The following KCNH1 variants were observed in gnomAD, a reference collection of about 807,000 sequenced individuals.
KCNH1 encodes the protein potassium voltage-gated channel subfamily H member 1.
KCNH1 carries 27 observed loss-of-function variants against 69.2 expected under a neutral mutation model. The ratio of observed to expected loss-of-function variants is 0.39; its 90% confidence interval spans 0.29 to 0.54. The LOEUF is 0.54. KCNH1 is among the 20% of genes least tolerant of loss of function. The pLI, the probability that KCNH1 is intolerant of heterozygous loss-of-function variation, is 0.68. For synonymous variants in KCNH1, 456 were observed against 487.7 expected (o/e 0.93, Z 0.86); for missense variants, 798 against 1,261.6 (o/e 0.63, Z 5.57).
chr1:211,080,816 T>G (rs1326578969), intron 5 of KCNH1, among the ~76,000 whole-genome samples: 1 of 152,146 alleles, frequency 6.6e-6, no homozygotes, highest in African/African-American at 2.4e-5. Flanking sequence ...AAACATTAAT[T>G]CAAGATGGAT....
chr1:210,850,372 G>A (rs903100717), intron 7 of KCNH1, among the ~76,000 whole-genome samples: 2 of 152,146 alleles, frequency 1.3e-5, no homozygotes, highest in East Asian at 1.9e-4. Context: ...GTAGCTGGGC[G>A]TGGTGGCGCG....
chr1:211,129,371 C>T (rs1447105273), intron 1 of KCNH1, among the ~76,000 whole-genome samples: 2 of 152,110 alleles, frequency 1.3e-5, no homozygotes, highest in African/African-American at 4.8e-5. Flanking sequence ...ACAATGAAGC[C>T]AAGGATTCAG....
chr1:210,761,200 C>T (rs183080319), intron 10 of KCNH1, among the ~76,000 whole-genome samples: 3,645 of 127,724 alleles, frequency 0.029, 95 homozygotes, highest in East Asian at 0.15. Context: ...TGCAGTGAGC[C>T]GAGATCCCGC....
intron 6 of KCNH1, among the ~76,000 whole-genome samples, chr1:210,998,191 G>T (rs1689091546): frequency 1.3e-5 from 2 of 152,170 alleles, no homozygotes; most frequent in Admixed American, 6.5e-5. Flanking sequence ...TGGGCTAAAT[G>T]CTCCAATTAA....
At chr1:210,738,526 C>A (rs112034601) in intron 10 of KCNH1, among the ~76,000 whole-genome samples, 37 of 148,318 alleles carry the variant, frequency 2.5e-4, no homozygotes, top group Non-Finnish European at 1.2e-4. Context: ...TAACATTGAA[C>A]CTGTATTCCT....
In KCNH1 at chr1:210,981,015, T is replaced by A. The variant is rs1688700385; in HGVS notation, c.1032+37768A>T. Among the ~76,000 whole-genome samples the A allele has an allele frequency of 3.3e-5, 5 of 152,096 alleles. No homozygotes were observed. The South Asian group carries it at 1.0e-3, about 32-fold the overall frequency. On this transcript the variant is annotated intron_variant, in intron 6 of 10. Coordinates refer to ENST00000271751, the MANE Select transcript of KCNH1 (RefSeq NM_172362.3). ...ATTAGGTATCCTGAATGTGGAGAGG[T>A]TTCATAAACATCCCATAATAGGAAC...
At chr1:211,126,286 G>A (rs914647761) in intron 1 of KCNH1, among the ~76,000 whole-genome samples, 4 of 152,118 alleles carry the variant, frequency 2.6e-5, no homozygotes, top group South Asian at 2.1e-4. Context: ...TGAGGCGGGC[G>A]GATCACAAGA....
At chr1:210,694,188 G>A (rs1197309682) in intron 10 of KCNH1, among the ~76,000 whole-genome samples, 1 of 152,104 alleles carries the variant, frequency 6.6e-6, no homozygotes, top group Non-Finnish European at 1.5e-5. Flanking sequence ...TGAAGACCAT[G>A]CCGGTAAAGA....
intron 5 of KCNH1, among the ~76,000 whole-genome samples, chr1:211,035,438 C>T (rs1001719313): frequency 2.7e-5 from 4 of 150,528 alleles, no homozygotes; most frequent in Admixed American, 1.3e-4. Context: ...TTAGTAGAGA[C>T]GGGGTTTCAC....
chr1:210,918,084 A>T (rs1687384660), intron 7 of KCNH1, among the ~76,000 whole-genome samples: 1 of 152,194 alleles, frequency 6.6e-6, no homozygotes, highest in Admixed American at 6.5e-5. Flanking sequence ...CTCTGCCTGC[A>T]GAGAGGGCTT....
At chr1:210,760,515 C>T (rs1049035189) in intron 10 of KCNH1, among the ~76,000 whole-genome samples, 1 of 152,186 alleles carries the variant, frequency 6.6e-6, no homozygotes. Context: ...ACTACCAGAC[C>T]AGTCCTACAA....
chr1:210,769,798 G>A (rs907386371), intron 10 of KCNH1, among the ~76,000 whole-genome samples: 8 of 152,138 alleles, frequency 5.3e-5, no homozygotes, highest in Non-Finnish European at 8.8e-5. Flanking sequence ...AAGGAAAGTA[G>A]AGCCCAAGTG....
rs534297715 is a variant in KCNH1 at position 211,095,947 on chromosome 1, T to C, written c.311-5257A>G. Among the ~76,000 whole-genome samples the C allele has an allele frequency of 8.5e-5, 13 of 152,308 alleles. No individual in the cohort carries two copies. The South Asian group carries it at 2.7e-3, about 32-fold the overall frequency. On this transcript the variant is annotated intron_variant, in intron 3 of 10. Coordinates refer to ENST00000271751, the MANE Select transcript of KCNH1 (RefSeq NM_172362.3). ...CTTGGCCGCATCAGTTTAACTTCTCTCACCATCAGCCTCTTCATTTGTAAA... is the reference window on the plus strand; with the variant it reads ...CTTGGCCGCATCAGTTTAACTTCTCCCACCATCAGCCTCTTCATTTGTAAA...
intron 10 of KCNH1, among the ~76,000 whole-genome samples, chr1:210,716,411 G>A (rs557822680): frequency 2.7e-4 from 34 of 126,404 alleles, no homozygotes; most frequent in African/African-American, 9.0e-4. Flanking sequence ...TAGCCTGGGC[G>A]ACAGAGCAAG....
At chr1:211,105,168 G>A (rs74552941) in intron 2 of KCNH1, among the ~76,000 whole-genome samples, 2,091 of 152,240 alleles carry the variant, frequency 0.014, 60 homozygotes, top group African/African-American at 0.048. Flanking sequence ...GCCAGGAAAC[G>A]GAAAACTGAG....
At chr1:211,055,948 G>A (rs1379037275) in intron 5 of KCNH1, among the ~76,000 whole-genome samples, 8 of 152,242 alleles carry the variant, frequency 5.3e-5, no homozygotes, top group Non-Finnish European at 1.0e-4. Flanking sequence ...TTGGGTAAGA[G>A]TCAGAGCCAT....
intron 6 of KCNH1, among the ~76,000 whole-genome samples, chr1:210,924,438 A>C (rs1252157934): frequency 6.6e-6 from 1 of 152,216 alleles, no homozygotes; most frequent in Non-Finnish European, 1.5e-5. Flanking sequence ...CTATGTGTAC[A>C]TTGATACTCT....
intron 7 of KCNH1, among the ~76,000 whole-genome samples, chr1:210,898,316 C>T (rs1686915626): frequency 6.6e-6 from 1 of 152,096 alleles, no homozygotes. Context: ...AAAAATATGC[C>T]ATTTAATTAT....
At chr1:211,017,993 C>A (rs1256250457) in intron 6 of KCNH1, among the ~76,000 whole-genome samples, 1 of 152,012 alleles carries the variant, frequency 6.6e-6, no homozygotes, top group African/African-American at 2.4e-5. Context: ...ATTCTCACTC[C>A]ATTAGTTCCC....
Sources: gnomAD v4.1 joint callset for allele counts (sites outside exome capture counted in the v4.1 genomes callset) on GRCh38, gnomAD v4.1.1 for gene constraint, MANE v1.5 for transcripts, NCBI Gene and HGNC (gene_info 2026-07-23, HGNC 2026-07-21) for gene names.